HHAT: variants seen among roughly 807,000 people sequenced by gnomAD.
HHAT encodes hedgehog acyltransferase, also known as protein-cysteine N-palmitoyltransferase HHAT.
A neutral mutation model predicts 70.8 loss-of-function variants in HHAT; 47 were observed. The observed-to-expected ratio is 0.66, with a 90% CI of 0.53 to 0.85. The LOEUF is 0.85. Among genes scored for constraint, HHAT ranks in the 40% least tolerant of loss-of-function variants. The pLI is 0.00. For missense variants in HHAT, 609 were observed against 604.8 expected (o/e 1.01, Z -0.07); for synonymous variants, 228 against 247.6 (o/e 0.92, Z 0.74).
chr1:210,508,014 A>AT (rs1321483554), intron 8 of HHAT, among the ~76,000 whole-genome samples: 1 of 151,750 alleles, frequency 6.6e-6, no homozygotes, highest in Non-Finnish European at 1.5e-5. Context: ...TCTGGCTCAC[A>AT]TGGTGAAACC....
chr1:210,561,920 G>A (rs546793194), intron 9 of HHAT, among the ~76,000 whole-genome samples: 2 of 152,284 alleles, frequency 1.3e-5, no homozygotes, highest in Admixed American at 6.5e-5. Context: ...CCAGCACAGT[G>A]CCTGACACCT....
intron 1 of HHAT, among the ~76,000 whole-genome samples, chr1:210,340,364 A>T (rs1890302): frequency 1.3e-5 from 2 of 151,538 alleles, no homozygotes; most frequent in Non-Finnish European, 2.9e-5. Flanking sequence ...ACAAAATGGG[A>T]TTCAGTTTCA....
intron 10 of HHAT, among the ~76,000 whole-genome samples, chr1:210,605,221 G>T (rs1470496809): frequency 6.6e-6 from 1 of 152,226 alleles, no homozygotes; most frequent in East Asian, 1.9e-4. Flanking sequence ...CAGTGTTACA[G>T]ATGTTACAGA....
chr1:210,508,425 A>T (rs2148568818), intron 8 of HHAT, among the ~76,000 whole-genome samples: 1 of 152,314 alleles, frequency 6.6e-6, no homozygotes, highest in African/African-American at 2.4e-5. Context: ...TAATAAAATT[A>T]TTAAGTAATG....
intron 7 of HHAT, among the ~76,000 whole-genome samples, chr1:210,442,850 G>C (rs1477664343): frequency 6.6e-6 from 1 of 152,158 alleles, no homozygotes; most frequent in Non-Finnish European, 1.5e-5. Context: ...AAGCTGTTTA[G>C]TTTAATTAGA....
intron 9 of HHAT, among the ~76,000 whole-genome samples, chr1:210,574,671 C>A (rs890082455): frequency 6.6e-6 from 1 of 152,212 alleles, no homozygotes; most frequent in Non-Finnish European, 1.5e-5. Flanking sequence ...AGAGTATACA[C>A]CTATCAGGGC....
intron 3 of HHAT, among the ~76,000 whole-genome samples, chr1:210,365,987 T>C (rs2088921595): frequency 6.6e-6 from 1 of 151,760 alleles, no homozygotes; most frequent in Non-Finnish European, 1.5e-5. Context: ...TGGAGTACAG[T>C]GGTTGTAATC....
chr1:210,500,239 C>T (rs2094727368), intron 8 of HHAT, among the ~76,000 whole-genome samples: 1 of 152,206 alleles, frequency 6.6e-6, no homozygotes, highest in Admixed American at 6.5e-5. Context: ...TGAATAATCA[C>T]TTGTTGTGAT....
At chr1:210,629,512 C>T (rs996308691) in intron 11 of HHAT, among the ~76,000 whole-genome samples, 12 of 152,216 alleles carry the variant, frequency 7.9e-5, no homozygotes, top group Admixed American at 5.2e-4. Flanking sequence ...GCTACTGTAA[C>T]AAGTTATTAC....
chr1:210,422,259 C>G (rs2092925052), intron 7 of HHAT, among the ~76,000 whole-genome samples: 1 of 152,128 alleles, frequency 6.6e-6, no homozygotes, highest in Non-Finnish European at 1.5e-5. Context: ...AAATAGTTAT[C>G]ATTTCTTTGT....
intron 2 of HHAT, among the ~76,000 whole-genome samples, chr1:210,361,366 A>G (rs1017809821): frequency 6.6e-6 from 1 of 152,236 alleles, no homozygotes; most frequent in Non-Finnish European, 1.5e-5. Context: ...TGCAGCTGTC[A>G]CAGAGAGGAC....
At chr1:210,585,189 C>A (rs530504081) in intron 9 of HHAT, among the ~76,000 whole-genome samples, 1 of 149,508 alleles carries the variant, frequency 6.7e-6, no homozygotes, top group Non-Finnish European at 1.5e-5. Context: ...CTTTCTCCTT[C>A]CCAGCTGTGT....
intron 9 of HHAT, among the ~76,000 whole-genome samples, chr1:210,545,343 A>G (rs941827800): frequency 1.3e-5 from 2 of 151,944 alleles, no homozygotes; most frequent in African/African-American, 4.8e-5. Context: ...CATTTGCACA[A>G]GCTATTCCAT....
At chr1:210,330,039 G>T (rs1339629637) in intron 1 of HHAT, among the ~76,000 whole-genome samples, 2 of 152,200 alleles carry the variant, frequency 1.3e-5, no homozygotes, top group Non-Finnish European at 2.9e-5. Flanking sequence ...GAGCCACCGT[G>T]CCTGGCATCT....
chr1:210,521,487 A>T (rs930291998), intron 9 of HHAT, among the ~76,000 whole-genome samples: 1 of 152,226 alleles, frequency 6.6e-6, no homozygotes, highest in African/African-American at 2.4e-5. Context: ...TGGGCTAAAA[A>T]TCATTGGCAT....
At chr1:210,627,442 A>G (rs1670030409) in intron 11 of HHAT, among the ~76,000 whole-genome samples, 1 of 151,954 alleles carries the variant, frequency 6.6e-6, no homozygotes, top group Non-Finnish European at 1.5e-5. Context: ...TCTAAACTAC[A>G]AAGTTTATTT....
intron 8 of HHAT, among the ~76,000 whole-genome samples, chr1:210,472,401 A>G (rs1298880332): frequency 6.6e-6 from 1 of 152,224 alleles, no homozygotes; most frequent in Non-Finnish European, 1.5e-5. Context: ...GAATCCAAGC[A>G]CATGGCTCTT....
At chr1:210,515,836 G>A (rs992043312) in intron 9 of HHAT, among the ~76,000 whole-genome samples, 1 of 151,428 alleles carries the variant, frequency 6.6e-6, no homozygotes, top group African/African-American at 2.4e-5. Flanking sequence ...GGGAGGCCAA[G>A]GCAGGCAGAT....
At chr1:210,472,184 A>G (rs2094216564) in intron 8 of HHAT, among the ~76,000 whole-genome samples, 2 of 152,076 alleles carry the variant, frequency 1.3e-5, no homozygotes, top group Admixed American at 6.6e-5. Context: ...ATTTATTCAG[A>G]AAAAAAATCC....
Sources: gnomAD v4.1 joint callset for allele counts (sites outside exome capture counted in the v4.1 genomes callset) on GRCh38, gnomAD v4.1.1 for gene constraint, MANE v1.5 for transcripts, NCBI Gene and HGNC (gene_info 2026-07-23, HGNC 2026-07-21) for gene names.